CNTNAP5: variants seen among roughly 807,000 people sequenced by gnomAD.
The protein encoded by CNTNAP5 is contactin associated protein family member 5.
In CNTNAP5, 72 loss-of-function variants were observed where a neutral mutation model predicts 150.2. That is an observed-to-expected ratio of 0.48 (90% CI 0.40 to 0.58). The LOEUF (loss-of-function observed/expected upper bound fraction) is 0.58, where lower values mean the gene tolerates loss of function less well. CNTNAP5 is among the 20% of genes least tolerant of loss of function. CNTNAP5 has a pLI of 0.00. For synonymous variants in CNTNAP5, 672 were observed against 619.8 expected (o/e 1.08, Z -1.25); for missense variants, 1,636 against 1,626.2 (o/e 1.01, Z -0.10).
intron 1 of CNTNAP5, among the ~76,000 whole-genome samples, chr2:124,206,080 A>G (rs1685856277): frequency 6.6e-6 from 1 of 152,230 alleles, no homozygotes; most frequent in African/African-American, 2.4e-5. Flanking sequence ...TGATCCCAAG[A>G]TTGAGAACAG....
intron 5 of CNTNAP5, among the ~76,000 whole-genome samples, chr2:124,438,229 A>G (rs1207169323): frequency 1.3e-5 from 2 of 152,246 alleles, no homozygotes; most frequent in East Asian, 3.9e-4. Flanking sequence ...ACTAGATGGG[A>G]AAGAGATTTC....
intron 8 of CNTNAP5, among the ~76,000 whole-genome samples, chr2:124,516,055 T>A (rs987545767): frequency 3.9e-5 from 6 of 152,026 alleles, no homozygotes; most frequent in African/African-American, 1.4e-4. Flanking sequence ...GCTTCAGGGA[T>A]AAGGAATAGA....
At chr2:124,591,157 G>T (rs575946679) in intron 11 of CNTNAP5, among the ~76,000 whole-genome samples, 1 of 152,126 alleles carries the variant, frequency 6.6e-6, no homozygotes, top group African/African-American at 2.4e-5. Context: ...ACCTTCAAAT[G>T]CAACAATAGG....
intron 13 of CNTNAP5, among the ~76,000 whole-genome samples, chr2:124,731,643 GA>G (rs1356773873): frequency 6.6e-6 from 1 of 151,658 alleles, no homozygotes; most frequent in African/African-American, 2.4e-5. Flanking sequence ...AGGAAAGAAA[GA>G]AAAAAGAAAT....
At chr2:124,813,781 A>G (rs528701154) in intron 19 of CNTNAP5, among the ~76,000 whole-genome samples, 1 of 151,836 alleles carries the variant, frequency 6.6e-6, no homozygotes, top group Non-Finnish European at 1.5e-5. Flanking sequence ...AGTCCATCAA[A>G]CACCACACTT....
rs185818522 is a variant in CNTNAP5 at position 124,242,478 on chromosome 2, A to T, written c.381+85A>T. 16 of 1,316,492 alleles carry T rather than the reference A, an allele frequency of 1.2e-5. No individual in the cohort carries two copies. The African/African-American group carries it at 2.2e-4, about 18-fold the overall frequency. 81.6% of individuals were successfully genotyped at this position (1,316,492 alleles called of 1,614,324 possible). A position where few individuals can be genotyped will look rare whatever the true frequency, so the allele number is the denominator to read the frequency against. ...ATATTTCCGTCATTTTCCAATATCC[A>T]GATTGTTGGTAGTTTAATAACTGGT... On this transcript the variant is annotated intron_variant, in intron 3 of 23. Coordinates refer to ENST00000682447, the MANE Select transcript of CNTNAP5 (RefSeq NM_001367498.1).
At chr2:124,894,767 G>C (rs1678269004) in intron 21 of CNTNAP5, among the ~76,000 whole-genome samples, 1 of 151,212 alleles carries the variant, frequency 6.6e-6, no homozygotes, top group Admixed American at 6.6e-5. Context: ...TGCCAGGGCT[G>C]GTTTTGAACT....
intron 1 of CNTNAP5, among the ~76,000 whole-genome samples, chr2:124,200,104 A>G (rs1685689857): frequency 6.6e-6 from 1 of 152,314 alleles, no homozygotes; most frequent in African/African-American, 2.4e-5. Flanking sequence ...TTTGCTCTAG[A>G]TTGGCATAGA....
chr2:124,074,861 C>A (rs1227733039), intron 1 of CNTNAP5, among the ~76,000 whole-genome samples: 1 of 152,004 alleles, frequency 6.6e-6, no homozygotes, highest in Non-Finnish European at 1.5e-5. Flanking sequence ...CAATATTACT[C>A]CTATTGTTAT....
At chr2:124,168,883 C>T (rs1684866265) in intron 1 of CNTNAP5, among the ~76,000 whole-genome samples, 1 of 152,134 alleles carries the variant, frequency 6.6e-6, no homozygotes, top group African/African-American at 2.4e-5. Flanking sequence ...CTGCGTGGAA[C>T]TTTGGAGTTG....
chr2:124,133,356 T>C (rs1279616350), intron 1 of CNTNAP5, among the ~76,000 whole-genome samples: 2 of 152,202 alleles, frequency 1.3e-5, no homozygotes, highest in African/African-American at 2.4e-5. Flanking sequence ...TCAAAGCTTC[T>C]TATATCAACA....
At chr2:124,602,934 ATACT>A (rs954088589) in intron 11 of CNTNAP5, among the ~76,000 whole-genome samples, 50 of 152,222 alleles carry the variant, frequency 3.3e-4, no homozygotes, top group Admixed American at 2.3e-3. Flanking sequence ...AAAATTAAAA[ATACT>A]TAATATAATC....
At chr2:124,786,511 G>GAA (rs1192702816) in intron 17 of CNTNAP5, among the ~76,000 whole-genome samples, 2 of 138,990 alleles carry the variant, frequency 1.4e-5, no homozygotes, top group African/African-American at 5.5e-5. Context: ...GAAAGAAAAA[G>GAA]AAAGAAAGAA....
intron 3 of CNTNAP5, among the ~76,000 whole-genome samples, chr2:124,281,264 CATT>C (rs1275552104): frequency 6.6e-6 from 1 of 152,104 alleles, no homozygotes; most frequent in East Asian, 1.9e-4. Context: ...TCTCCTGCCT[CATT>C]AGAGAAAATT....
intron 1 of CNTNAP5, among the ~76,000 whole-genome samples, chr2:124,124,582 A>C (rs12465296): frequency 6.6e-6 from 1 of 152,068 alleles, no homozygotes; most frequent in East Asian, 1.9e-4. Context: ...GATACTCCTC[A>C]AGAAGAGCAA....
At chr2:124,800,547 A>G (rs893329251) in intron 19 of CNTNAP5, among the ~76,000 whole-genome samples, 21 of 152,320 alleles carry the variant, frequency 1.4e-4, no homozygotes, top group African/African-American at 5.1e-4. Context: ...TCCCTTCCTC[A>G]GTCTGGTGGC....
chr2:124,276,560 G>T (rs973471940), intron 3 of CNTNAP5, among the ~76,000 whole-genome samples: 3 of 152,030 alleles, frequency 2.0e-5, no homozygotes, highest in African/African-American at 7.2e-5. Context: ...CCAAGGAGTG[G>T]ACATATTTGG....
At chr2:124,705,708 A>G (rs1679622771) in intron 13 of CNTNAP5, among the ~76,000 whole-genome samples, 2 of 152,088 alleles carry the variant, frequency 1.3e-5, no homozygotes, top group South Asian at 4.2e-4. Flanking sequence ...AGAGAGTATG[A>G]ATAGCATAAA....
intron 13 of CNTNAP5, among the ~76,000 whole-genome samples, chr2:124,665,613 G>A (rs34027199): frequency 0.31 from 46,538 of 152,080 alleles, 7,833 homozygotes; most frequent in Non-Finnish European, 0.38. Context: ...TTGGCCAGGC[G>A]TGGTGGCTTA....
Sources: allele counts gnomAD v4.1 joint callset (sites outside exome capture counted in the v4.1 genomes callset), GRCh38; gene constraint gnomAD v4.1.1; transcripts MANE v1.5; gene names NCBI Gene and HGNC (gene_info 2026-07-23, HGNC 2026-07-21).